The following QTMAN variants were observed in gnomAD, a reference collection of about 807,000 sequenced individuals.
QTMAN encodes tRNA-queuosine alpha-mannosyltransferase.
the QTMAN span, among the ~76,000 whole-genome samples, chr2:144,092,326 C>T: frequency 1.3e-5 from 2 of 152,132 alleles, no homozygotes; most frequent in East Asian, 1.9e-4. Flanking sequence ...CAGGCGCCCA[C>T]CACCGTGCCT....
the QTMAN span, among the ~76,000 whole-genome samples, chr2:144,010,062 C>CAAA: frequency 9.3e-5 from 7 of 74,872 alleles, no homozygotes; most frequent in Non-Finnish European, 1.2e-4. Context: ...AAGGATTCAC[C>CAAA]AAAAAAAAAA....
the QTMAN span, among the ~76,000 whole-genome samples, chr2:144,313,322 T>C: frequency 2.6e-5 from 4 of 152,360 alleles, 1 homozygote; most frequent in Admixed American, 6.5e-5. Context: ...GGTTACTTAT[T>C]ACCCTTTGGT....
chr2:144,260,475 A>G, the QTMAN span, among the ~76,000 whole-genome samples: 22 of 152,224 alleles, frequency 1.4e-4, no homozygotes, highest in African/African-American at 4.8e-4. Context: ...GTACATAATC[A>G]TTTAATGCAA....
chr2:144,119,471 C>T, the QTMAN span, among the ~76,000 whole-genome samples: 2 of 152,226 alleles, frequency 1.3e-5, no homozygotes, highest in Non-Finnish European at 2.9e-5. Flanking sequence ...GTCTTCTCTG[C>T]AATCCCTGTC....
the QTMAN span, among the ~76,000 whole-genome samples, chr2:144,303,982 C>A: frequency 1.3e-5 from 2 of 152,088 alleles, no homozygotes; most frequent in Admixed American, 6.5e-5. Context: ...ACAGTACATA[C>A]GTAAAAGGAG....
the QTMAN span, among the ~76,000 whole-genome samples, chr2:144,312,246 C>T: frequency 8.0e-5 from 12 of 149,296 alleles, no homozygotes; most frequent in African/African-American, 3.0e-4. Context: ...TGGCCATAGA[C>T]TCCTGGGCTC....
At chr2:144,297,577 C>CTTT in the QTMAN span, among the ~76,000 whole-genome samples, 45 of 119,300 alleles carry the variant, frequency 3.8e-4, no homozygotes, top group Non-Finnish European at 5.4e-4. Context: ...AGGATTCCGT[C>CTTT]TTTTTTTTTT....
the QTMAN span, among the ~76,000 whole-genome samples, chr2:144,072,619 C>T: frequency 3.9e-5 from 6 of 152,118 alleles, no homozygotes; most frequent in African/African-American, 1.4e-4. Context: ...GCAGGAATTG[C>T]ACCACTCCTT....
chr2:144,282,102 G>A, the QTMAN span, among the ~76,000 whole-genome samples: 5 of 152,088 alleles, frequency 3.3e-5, no homozygotes, highest in Non-Finnish European at 5.9e-5. Flanking sequence ...AGCACGGAAG[G>A]ACCCTGCACC....
the QTMAN span, among the ~76,000 whole-genome samples, chr2:144,166,654 C>T: frequency 1.3e-5 from 2 of 152,136 alleles, no homozygotes. Context: ...GTAAAATATA[C>T]CCCACATTAT....
the QTMAN span, among the ~76,000 whole-genome samples, chr2:144,200,254 G>C: frequency 1.1e-4 from 17 of 152,294 alleles, no homozygotes; most frequent in Non-Finnish European, 2.5e-4. Flanking sequence ...AACAATTGCA[G>C]TATCCAAGCA....
At chr2:144,157,593 G>A in the QTMAN span, among the ~76,000 whole-genome samples, 1 of 151,952 alleles carries the variant, frequency 6.6e-6, no homozygotes, top group Non-Finnish European at 1.5e-5. Context: ...GAAAACACTT[G>A]CGATGGCTAT....
chr2:144,068,961 T>C, the QTMAN span, among the ~76,000 whole-genome samples: 4 of 152,288 alleles, frequency 2.6e-5, no homozygotes, highest in South Asian at 8.3e-4. Flanking sequence ...ATTCCTAATA[T>C]AGCGGTTTAT....
chr2:144,022,047 T>C, the QTMAN span, among the ~76,000 whole-genome samples: 3 of 152,168 alleles, frequency 2.0e-5, no homozygotes, highest in African/African-American at 7.2e-5. Flanking sequence ...TAGGGAGGAC[T>C]GAGGAAGAAG....
the QTMAN span, chr2:143,952,646 TTAACAC>T: frequency 1.4e-6 from 1 of 728,480 alleles, no homozygotes; most frequent in East Asian, 2.5e-5. Context: ...AAAATTTTCC[TTAACAC>T]TAACATGTTG....
chr2:144,058,893 C>T, the QTMAN span, among the ~76,000 whole-genome samples: 1 of 152,218 alleles, frequency 6.6e-6, no homozygotes, highest in African/African-American at 2.4e-5. Flanking sequence ...CCCTTTAGCT[C>T]ATTCAGTCCA....
the QTMAN span, among the ~76,000 whole-genome samples, chr2:144,276,214 TA>T: frequency 6.7e-5 from 10 of 149,720 alleles, no homozygotes; most frequent in Non-Finnish European, 1.0e-4. Flanking sequence ...TGGTTTTTTT[TA>T]AAAAAAAAAG....
chr2:144,250,132 TTTTG>T, the QTMAN span, among the ~76,000 whole-genome samples: 1 of 144,352 alleles, frequency 6.9e-6, no homozygotes, highest in Non-Finnish European at 1.5e-5. Context: ...TGTTTTTTTT[TTTTG>T]TTTGTTTTTG....
the QTMAN span, among the ~76,000 whole-genome samples, chr2:144,295,694 CCTCAATCTCCATGG>C: frequency 6.6e-6 from 1 of 152,206 alleles, no homozygotes; most frequent in South Asian, 2.1e-4. Context: ...CTCACTGCAG[CCTCAATCTCCATGG>C]CTCAACTAAT....
Sources: gnomAD v4.1 joint callset for allele counts (sites outside exome capture counted in the v4.1 genomes callset) on GRCh38, gnomAD v4.1.1 for gene constraint, MANE v1.5 for transcripts, NCBI Gene and HGNC (gene_info 2026-07-23, HGNC 2026-07-21) for gene names.